TRAPPC9: variants seen among roughly 807,000 people sequenced by gnomAD.
The protein encoded by TRAPPC9 is trafficking protein particle complex subunit 9.
TRAPPC9 carries 83 observed loss-of-function variants against 124.0 expected under a neutral mutation model. The ratio of observed to expected loss-of-function variants is 0.67; its 90% CI spans 0.56 to 0.80. TRAPPC9 has a LOEUF of 0.80. TRAPPC9 is among the 30% of genes least tolerant of loss of function. The pLI is 0.00. For missense variants in TRAPPC9, 1,302 were observed against 1,508.3 expected (o/e 0.86, Z 2.27); for synonymous variants, 638 against 617.5 (o/e 1.03, Z -0.49).
chr8:140,348,123 C>G (rs531131155), intron 9 of TRAPPC9, among the ~76,000 whole-genome samples: 2 of 152,204 alleles, frequency 1.3e-5, no homozygotes, highest in African/African-American at 4.8e-5. Context: ...CTTTCCGAGG[C>G]GCTGGGACGC....
At chr8:139,785,800 A>G (rs891781574) in intron 21 of TRAPPC9, among the ~76,000 whole-genome samples, 1 of 152,206 alleles carries the variant, frequency 6.6e-6, no homozygotes, top group African/African-American at 2.4e-5. Context: ...AAAAGACACT[A>G]TTAAGAGAAT....
chr8:140,307,412 C>T (rs572451459), intron 10 of TRAPPC9, among the ~76,000 whole-genome samples: 1 of 152,194 alleles, frequency 6.6e-6, no homozygotes, highest in Non-Finnish European at 1.5e-5. Context: ...TTTCTATCAG[C>T]TGCTATTACA....
chr8:140,391,520 C>G (rs893691325), intron 7 of TRAPPC9, among the ~76,000 whole-genome samples: 1 of 151,624 alleles, frequency 6.6e-6, no homozygotes, highest in Non-Finnish European at 1.5e-5. Context: ...CGAGACCAGC[C>G]TGACCAACAT....
chr8:140,447,042 G>A (rs971380625), intron 2 of TRAPPC9, among the ~76,000 whole-genome samples: 4 of 152,182 alleles, frequency 2.6e-5, no homozygotes, highest in Non-Finnish European at 4.4e-5. Flanking sequence ...GGCCAGAAAC[G>A]TTCGCTCAGA....
intron 17 of TRAPPC9, among the ~76,000 whole-genome samples, chr8:140,141,600 C>T (rs1272799818): frequency 1.3e-5 from 2 of 152,116 alleles, no homozygotes; most frequent in African/African-American, 2.4e-5. Flanking sequence ...CTAAAGGATG[C>T]CAGTTTCACA....
intron 21 of TRAPPC9, among the ~76,000 whole-genome samples, chr8:139,795,847 G>A (rs1040548619): frequency 3.9e-5 from 6 of 152,150 alleles, no homozygotes; most frequent in East Asian, 3.9e-4. Context: ...AATGGCACAC[G>A]GAGGGAACTG....
intron 4 of TRAPPC9, among the ~76,000 whole-genome samples, chr8:140,433,057 C>G (rs1206485221): frequency 6.6e-6 from 1 of 152,116 alleles, no homozygotes; most frequent in Non-Finnish European, 1.5e-5. Context: ...AATCCCAGCA[C>G]TTTGGGAGGC....
chr8:139,806,081 GC>G (rs1422677214), intron 21 of TRAPPC9: 4 of 152,232 alleles, frequency 2.6e-5, no homozygotes, highest in Non-Finnish European at 5.9e-5. Flanking sequence ...CTTCCTACCT[GC>G]CAAGTATCAT....
chr8:139,821,517 T>C (rs1447672374), intron 21 of TRAPPC9, among the ~76,000 whole-genome samples: 1 of 152,196 alleles, frequency 6.6e-6, no homozygotes, highest in Non-Finnish European at 1.5e-5. Flanking sequence ...TACATCTCCA[T>C]ATGCATCAAT....
intron 17 of TRAPPC9, among the ~76,000 whole-genome samples, chr8:140,151,440 GA>G (rs923573585): frequency 2.0e-5 from 3 of 152,212 alleles, no homozygotes; most frequent in African/African-American, 7.2e-5. Context: ...TTGGGGACCA[GA>G]AGGCTCAGAT....
intron 11 of TRAPPC9, 157 bp from the exon 12 acceptor site, chr8:140,291,235 C>T (rs1440557527): frequency 2.8e-6 from 2 of 720,162 alleles, no homozygotes; most frequent in Non-Finnish European, 5.0e-6. Context: ...GCTTTTTCCA[C>T]CAGCTTTCTC....
chr8:140,431,285 C>T (rs1469051172), intron 4 of TRAPPC9, among the ~76,000 whole-genome samples: 1 of 151,738 alleles, frequency 6.6e-6, no homozygotes, highest in Non-Finnish European at 1.5e-5. Context: ...GGTGAAACCC[C>T]GTCTCTACTA....
At chr8:140,143,514 T>G (rs987468282) in intron 17 of TRAPPC9, among the ~76,000 whole-genome samples, 2 of 152,280 alleles carry the variant, frequency 1.3e-5, no homozygotes, top group Non-Finnish European at 2.9e-5. Flanking sequence ...ATTTTGCTCA[T>G]AATGTCCTTC....
chr8:140,376,538 G>T, intron 7 of TRAPPC9, among the ~76,000 whole-genome samples: 1 of 117,292 alleles, frequency 8.5e-6, no homozygotes, highest in African/African-American at 3.4e-5. Flanking sequence ...CCTGGGCACA[G>T]AGCAAGACTC....
At chr8:140,007,738 C>T (rs1157532628) in intron 18 of TRAPPC9, among the ~76,000 whole-genome samples, 1 of 151,762 alleles carries the variant, frequency 6.6e-6, no homozygotes, top group Non-Finnish European at 1.5e-5. Flanking sequence ...GTATACAGTG[C>T]TTATCAATAC....
intron 9 of TRAPPC9, among the ~76,000 whole-genome samples, chr8:140,326,392 A>T (rs2066738827): frequency 6.6e-6 from 1 of 152,186 alleles, no homozygotes; most frequent in Admixed American, 6.5e-5. Context: ...GTGCACAGGT[A>T]GCCTATGTGC....
At chr8:140,202,793 A>G (rs1197696331) in intron 17 of TRAPPC9, among the ~76,000 whole-genome samples, 1 of 152,228 alleles carries the variant, frequency 6.6e-6, no homozygotes, top group East Asian at 1.9e-4. Flanking sequence ...TCTATTTCTA[A>G]GGTAATGCAA....
chr8:140,457,917 G>GGGA, upstream of TRAPPC9, among the ~76,000 whole-genome samples: 1 of 146,150 alleles, frequency 6.8e-6, no homozygotes, highest in East Asian at 2.0e-4. Flanking sequence ...GACATGGGGA[G>GGGA]GGAGGAGGAG....
At chr8:140,445,134 C>A (rs2071195436) in intron 2 of TRAPPC9, among the ~76,000 whole-genome samples, 1 of 152,198 alleles carries the variant, frequency 6.6e-6, no homozygotes, top group South Asian at 2.1e-4. Context: ...AAAAACACTT[C>A]CCCCATGGCC....
Sources: allele counts gnomAD v4.1 joint callset (sites outside exome capture counted in the v4.1 genomes callset), GRCh38; gene constraint gnomAD v4.1.1; transcripts MANE v1.5; gene names NCBI Gene and HGNC (gene_info 2026-07-23, HGNC 2026-07-21).